Variants in SMYD3 observed in about 807,000 individuals in gnomAD.
SMYD3 encodes SET and MYND domain containing 3, also known as histone-lysine N-methyltransferase SMYD3.
A neutral mutation model predicts 57.7 loss-of-function variants in SMYD3; 36 were observed. That is an observed-to-expected ratio of 0.62 (90% CI 0.48 to 0.82). The LOEUF (loss-of-function observed/expected upper bound fraction) is 0.82. Ranked by LOEUF, SMYD3 falls within the 40% of genes least tolerant of loss-of-function variation. SMYD3 has a pLI of 0.00. For synonymous variants in SMYD3, 211 were observed against 195.0 expected, an observed-to-expected ratio of 1.08 and a Z score of -0.68; for missense variants, 515 against 538.8, an observed-to-expected ratio of 0.96 and a Z score of 0.44.
intron 5 of SMYD3, among the ~76,000 whole-genome samples, chr1:246,237,437 C>T (rs1263445539): frequency 6.6e-6 from 1 of 152,126 alleles, no homozygotes; most frequent in Non-Finnish European, 1.5e-5. Flanking sequence ...CTAGAGGTAG[C>T]TTAGGAGGGC....
intron 10 of SMYD3, among the ~76,000 whole-genome samples, chr1:245,825,254 T>A (rs1393833121): frequency 6.6e-6 from 1 of 152,188 alleles, no homozygotes; most frequent in African/African-American, 2.4e-5. Flanking sequence ...TCCATCTCCC[T>A]ACGTTCTCTT....
chr1:246,089,557 C>T (rs1256855936), intron 5 of SMYD3, among the ~76,000 whole-genome samples: 2 of 152,168 alleles, frequency 1.3e-5, no homozygotes, highest in Non-Finnish European at 2.9e-5. Flanking sequence ...GAGAAAGGAA[C>T]ATATGAATCT....
At chr1:245,964,450 C>T (rs6660191) in intron 5 of SMYD3, among the ~76,000 whole-genome samples, 19,322 of 152,156 alleles carry the variant, frequency 0.13, 1,560 homozygotes, top group East Asian at 0.41. Flanking sequence ...AAAAACTTAC[C>T]AGACATACTA....
intron 7 of SMYD3, among the ~76,000 whole-genome samples, chr1:245,916,279 C>G (rs572308925): frequency 6.6e-5 from 10 of 152,210 alleles, no homozygotes; most frequent in African/African-American, 2.4e-4. Context: ...TCCCCTGCCT[C>G]GGATGGTGAA....
chr1:246,046,966 T>A (rs1021876204), intron 5 of SMYD3, among the ~76,000 whole-genome samples: 3 of 151,966 alleles, frequency 2.0e-5, no homozygotes, highest in African/African-American at 7.2e-5. Context: ...ATAAACTCTA[T>A]ATAACAAACA....
chr1:245,875,307 C>T (rs1572567797), intron 8 of SMYD3, among the ~76,000 whole-genome samples: 2 of 152,078 alleles, frequency 1.3e-5, no homozygotes, highest in Non-Finnish European at 2.9e-5. Flanking sequence ...TAGCAGATGA[C>T]GATCAGACAG....
chr1:246,255,979 T>TAGATAGATAGACAGACAGAC lies in SMYD3; in HGVS notation c.531+71221_531+71222insGTCTGTCTGTCTATCTATCT, dbSNP rs1553320462. Among the ~76,000 whole-genome samples, 32 of 147,754 alleles carry TAGATAGATAGACAGACAGAC rather than the reference T, an allele frequency of 2.2e-4. No individual in the cohort carries two copies. The East Asian group carries it at 3.4e-3, about 16-fold the overall frequency. ...ATAGATAGATAGATAGATAGATAGA[T>TAGATAGATAGACAGACAGAC]AGATAGATACACACACACATACATA... is the stretch of plus-strand genomic sequence containing the variant. On this transcript the variant is annotated intron_variant, in intron 5 of 11. Coordinates refer to ENST00000490107, the MANE Select transcript of SMYD3 (RefSeq NM_001167740.2).
At chr1:246,002,046 C>T (rs1293334217) in intron 5 of SMYD3, among the ~76,000 whole-genome samples, 2 of 152,112 alleles carry the variant, frequency 1.3e-5, no homozygotes, top group Non-Finnish European at 2.9e-5. Flanking sequence ...ATCTTCCTTA[C>T]GATTCTGTTT....
intron 2 of SMYD3, among the ~76,000 whole-genome samples, chr1:246,341,968 C>G (rs1232460295): frequency 1.3e-5 from 2 of 152,160 alleles, no homozygotes; most frequent in Non-Finnish European, 2.9e-5. Flanking sequence ...AGATTAGATT[C>G]AAAGATCTGC....
chr1:245,862,017 C>T (rs984965849), intron 9 of SMYD3, among the ~76,000 whole-genome samples: 1 of 152,202 alleles, frequency 6.6e-6, no homozygotes, highest in East Asian at 1.9e-4. Context: ...AGGGACCACA[C>T]AGAACAGGTC....
intron 1 of SMYD3, among the ~76,000 whole-genome samples, chr1:246,477,014 C>G (rs2068038258): frequency 1.3e-5 from 2 of 152,200 alleles, no homozygotes; most frequent in Non-Finnish European, 2.9e-5. Context: ...TCATGCTTCT[C>G]TATTGAAAAC....
Position 246,231,452 on chromosome 1 carries a change from C to T in SMYD3, c.531+95749G>A, listed in dbSNP as rs568573541. ...ATGTAATATAACAAATTTTATGCAC[C>T]AATAATTTTTTACAGTATTCAGAAA... On this transcript the variant is annotated intron_variant, in intron 5 of 11. Coordinates refer to ENST00000490107, the MANE Select transcript of SMYD3 (RefSeq NM_001167740.2). Among the ~76,000 whole-genome samples, 12 of 152,142 alleles carry T rather than the reference C, an allele frequency of 7.9e-5. No individual in the cohort carries two copies. The South Asian group carries it at 2.5e-3, about 32-fold the overall frequency.
At chr1:245,980,879 T>C (rs1198239001) in intron 5 of SMYD3, among the ~76,000 whole-genome samples, 4 of 152,358 alleles carry the variant, frequency 2.6e-5, no homozygotes, top group African/African-American at 7.2e-5. Flanking sequence ...GCCACTGTTT[T>C]TGTAAATCAA....
intron 9 of SMYD3, among the ~76,000 whole-genome samples, chr1:245,862,917 G>A (rs994246010): frequency 6.6e-6 from 1 of 152,138 alleles, no homozygotes; most frequent in African/African-American, 2.4e-5. Flanking sequence ...AATAAACTCA[G>A]TGGGCTATTG....
At chr1:245,827,457 A>T (rs1019015523) in intron 10 of SMYD3, among the ~76,000 whole-genome samples, 20 of 152,092 alleles carry the variant, frequency 1.3e-4, no homozygotes, top group Admixed American at 7.9e-4. Flanking sequence ...GGCCCACGTG[A>T]CCTCTCCCCC....
chr1:246,149,682 T>A (rs937099917), intron 5 of SMYD3, among the ~76,000 whole-genome samples: 2 of 152,234 alleles, frequency 1.3e-5, no homozygotes, highest in East Asian at 3.8e-4. Flanking sequence ...TACCATGTTT[T>A]AAAAATTATT....
At chr1:245,924,734 C>G (rs147976854) in intron 7 of SMYD3, among the ~76,000 whole-genome samples, 4 of 150,130 alleles carry the variant, frequency 2.7e-5, no homozygotes, top group Non-Finnish European at 2.9e-5. Flanking sequence ...GCGATCTTGG[C>G]TCACCGCAAC....
rs927037607 is a variant in SMYD3, at chr1:246,438,858, T to C, written c.164+68196A>G. On this transcript the variant is annotated intron_variant, in intron 1 of 11. Coordinates refer to ENST00000490107, the MANE Select transcript of SMYD3 (RefSeq NM_001167740.2). Reference sequence around the variant, plus strand: ...CAACCTAGATCCCTCACATGCACAGTTCACAATAGGGTTCACGCTCCCGTG... The same window carrying C: ...CAACCTAGATCCCTCACATGCACAGCTCACAATAGGGTTCACGCTCCCGTG... Among the ~76,000 whole-genome samples, 3 of 151,280 alleles carry C rather than the reference T, an allele frequency of 2.0e-5. No homozygotes were observed. In the Admixed American group the frequency reaches 2.0e-4, roughly 10 times the overall value.
chr1:246,327,346 A>T lies in SMYD3; in HGVS notation c.395-9T>A. The T allele has an allele frequency of 6.2e-7, 1 of 1,605,166 alleles. No individual in the cohort carries two copies. Among genetic ancestry groups the T allele is most frequent in the South Asian group, 1.1e-5 (1 of 89,410 alleles). ...AGTCAGTTTGTTAATATCTTTTTTAAAGAGAAAATAAATAGCACAATCTCA... is the reference window on the plus strand; with the variant it reads ...AGTCAGTTTGTTAATATCTTTTTTATAGAGAAAATAAATAGCACAATCTCA... On this transcript the variant is annotated splice_polypyrimidine_tract_variant and intron_variant, in intron 4 of 11. Coordinates refer to ENST00000490107, the MANE Select transcript of SMYD3 (RefSeq NM_001167740.2).
Sources: gnomAD v4.1 joint callset for allele counts (sites outside exome capture counted in the v4.1 genomes callset) on GRCh38, gnomAD v4.1.1 for gene constraint, MANE v1.5 for transcripts, NCBI Gene and HGNC (gene_info 2026-07-23, HGNC 2026-07-21) for gene names.